ITGA9: variants seen among roughly 807,000 people sequenced by gnomAD.
ITGA9 encodes integrin subunit alpha 9, also known as integrin alpha-9.
Under a neutral mutation model 127.8 loss-of-function variants are expected in ITGA9, and 56 were observed. The ratio of observed to expected loss-of-function variants is 0.44; its 90% CI spans 0.35 to 0.55. The LOEUF (loss-of-function observed/expected upper bound fraction) is 0.55, where lower values mean the gene tolerates loss of function less well. Ranked by LOEUF, ITGA9 falls within the 20% of genes least tolerant of loss-of-function variation. ITGA9 has a pLI of 0.00. For missense variants in ITGA9, 1,196 were observed against 1,347.1 expected (o/e 0.89, Z 1.76); for synonymous variants, 508 against 514.5 (o/e 0.99, Z 0.17).
chr3:37,619,466 C>T (rs1043686877), intron 15 of ITGA9, among the ~76,000 whole-genome samples: 2 of 152,146 alleles, frequency 1.3e-5, no homozygotes, highest in Non-Finnish European at 2.9e-5. Flanking sequence ...GATGTGGTCT[C>T]AGGAAAAGTC....
At chr3:37,728,635 C>T (rs1696246870) in intron 18 of ITGA9, among the ~76,000 whole-genome samples, 1 of 152,074 alleles carries the variant, frequency 6.6e-6, no homozygotes, top group South Asian at 2.1e-4. Context: ...GGACTGTTTT[C>T]TCTTCCTTAG....
chr3:37,561,846 C>T (rs191248199), intron 15 of ITGA9, among the ~76,000 whole-genome samples: 10 of 152,236 alleles, frequency 6.6e-5, no homozygotes, highest in Non-Finnish European at 1.5e-4. Context: ...ACAAGCCTTC[C>T]GGGGACTCAT....
chr3:37,789,466 G>C (rs1173490768), intron 26 of ITGA9, among the ~76,000 whole-genome samples: 1 of 152,036 alleles, frequency 6.6e-6, no homozygotes. Flanking sequence ...TATATATTAA[G>C]AGTATGCGCT....
intron 15 of ITGA9, among the ~76,000 whole-genome samples, chr3:37,556,770 T>G (rs1192392205): frequency 1.3e-5 from 2 of 152,180 alleles, no homozygotes; most frequent in Non-Finnish European, 2.9e-5. Flanking sequence ...GATGCAGGTA[T>G]CAGAAGCAAG....
rs995958578 is a variant in ITGA9 at position 37,624,885 on chromosome 3, A to T, written c.1690-4302A>T. 6.6e-5 allele frequency among the ~76,000 whole-genome samples: 10 copies of T among 152,172 alleles called. No homozygotes were observed. The South Asian group carries it at 8.3e-4, about 13-fold the overall frequency. On this transcript the variant is annotated intron_variant, in intron 15 of 27. Coordinates refer to ENST00000264741, the MANE Select transcript of ITGA9 (RefSeq NM_002207.3). Reference sequence around the variant, plus strand: ...GCCTCTTAAGGTGCTGGGATTACAGACGTGAGCCACCATGCCCAGCCAAGA... The same window carrying T: ...GCCTCTTAAGGTGCTGGGATTACAGTCGTGAGCCACCATGCCCAGCCAAGA...
At chr3:37,638,522 G>A (rs1472103183) in intron 16 of ITGA9, among the ~76,000 whole-genome samples, 1 of 151,744 alleles carries the variant, frequency 6.6e-6, no homozygotes, top group African/African-American at 2.4e-5. Context: ...GATTCTGAGA[G>A]TGAGGCCCAC....
At chr3:37,564,673 TG>T (rs553127538) in intron 15 of ITGA9, among the ~76,000 whole-genome samples, 6 of 152,328 alleles carry the variant, frequency 3.9e-5, no homozygotes, top group African/African-American at 9.6e-5. Context: ...ATCATCAAGA[TG>T]GATATACTTG....
At chr3:37,811,089 G>T (rs1268328085) in intron 27 of ITGA9, among the ~76,000 whole-genome samples, 1 of 152,190 alleles carries the variant, frequency 6.6e-6, no homozygotes, top group African/African-American at 2.4e-5. Flanking sequence ...TAACCAGACC[G>T]CTCTTCAAAT....
intron 26 of ITGA9, chr3:37,791,060 A>G (rs898873323): frequency 1.3e-5 from 2 of 152,088 alleles, no homozygotes; most frequent in African/African-American, 4.8e-5. Context: ...CAGCCATAAA[A>G]AGTTATCAGG....
intron 15 of ITGA9, among the ~76,000 whole-genome samples, chr3:37,578,834 G>A (rs931714478): frequency 2.1e-4 from 18 of 85,454 alleles, no homozygotes; most frequent in Non-Finnish European, 3.6e-4. Context: ...GAAGAAAGAA[G>A]GTAAGTCCTA....
chr3:37,634,569 G>A (rs2125637681), intron 16 of ITGA9, among the ~76,000 whole-genome samples: 1 of 152,230 alleles, frequency 6.6e-6, no homozygotes, highest in East Asian at 1.9e-4. Flanking sequence ...AAATATATAT[G>A]CACCCAACAC....
intron 24 of ITGA9, 44 bp from the exon 25 acceptor site, chr3:37,779,858 T>G: frequency 1.2e-6 from 2 of 1,608,186 alleles, no homozygotes; most frequent in Non-Finnish European, 1.7e-6. Context: ...GGATTTGTCT[T>G]TGTTCTTAAT....
At chr3:37,604,763 TA>T (rs1699952874) in intron 15 of ITGA9, among the ~76,000 whole-genome samples, 1 of 152,176 alleles carries the variant, frequency 6.6e-6, no homozygotes, top group South Asian at 2.1e-4. Flanking sequence ...TTTAAGACCC[TA>T]AAGGGAGAGT....
intron 17 of ITGA9, among the ~76,000 whole-genome samples, chr3:37,660,912 C>T (rs1186035391): frequency 1.3e-5 from 2 of 152,326 alleles, no homozygotes; most frequent in Non-Finnish European, 2.9e-5. Context: ...GGCATATTCT[C>T]ACAGCATAAC....
In ITGA9 at chr3:37,673,321, C is replaced by T. The variant is rs112140092; in HGVS notation, c.1917-10544C>T. Among the ~76,000 whole-genome samples the T allele has an allele frequency of 1.9e-3, 292 of 152,300 alleles. 2 individuals are homozygous for T. The highest frequency in any genetic ancestry group is 6.7e-3 in the African/African-American group (280 of 41,574). On this transcript the variant is annotated intron_variant, in intron 17 of 27. Coordinates refer to ENST00000264741, the MANE Select transcript of ITGA9 (RefSeq NM_002207.3). Reference sequence around the variant, plus strand: ...GAATCTGAAAACATGACACATCAATCCATTCCCCACCTTTCCCCTGTGAGA... The same window carrying T: ...GAATCTGAAAACATGACACATCAATTCATTCCCCACCTTTCCCCTGTGAGA...
chr3:37,622,237 G>A (rs752605311), intron 15 of ITGA9, among the ~76,000 whole-genome samples: 1 of 147,978 alleles, frequency 6.8e-6, no homozygotes. Flanking sequence ...ACAGGCGCCC[G>A]CCACCAGGCC....
At chr3:37,542,723 T>C in intron 15 of ITGA9, 138 bp downstream of exon 15, 1 of 893,486 alleles carries the variant, frequency 1.1e-6, no homozygotes, top group Non-Finnish European at 1.8e-6. Context: ...TATCCATTTC[T>C]TCTTTTCTTT....
At chr3:37,625,829 G>A (rs1036365006) in intron 15 of ITGA9, among the ~76,000 whole-genome samples, 7 of 152,178 alleles carry the variant, frequency 4.6e-5, no homozygotes, top group Non-Finnish European at 8.8e-5. Flanking sequence ...CCTTTTGGGG[G>A]TGTTGGCCTG....
chr3:37,621,306 CTT>C (rs1281458987), intron 15 of ITGA9, among the ~76,000 whole-genome samples: 1 of 152,190 alleles, frequency 6.6e-6, no homozygotes, highest in Non-Finnish European at 1.5e-5. Context: ...TTGGGTATGT[CTT>C]TATCAGCAGC....
Sources: allele counts gnomAD v4.1 joint callset (sites outside exome capture counted in the v4.1 genomes callset), GRCh38; gene constraint gnomAD v4.1.1; transcripts MANE v1.5; gene names NCBI Gene and HGNC (gene_info 2026-07-23, HGNC 2026-07-21).